The following MTUS2 variants were observed in gnomAD, a reference collection of about 807,000 sequenced individuals.
The protein encoded by MTUS2 is microtubule associated scaffold protein 2.
Under a neutral mutation model 114.1 loss-of-function variants are expected in MTUS2, and 40 were observed. That is an observed-to-expected ratio of 0.35 (90% CI 0.27 to 0.46). MTUS2 has a LOEUF of 0.46. MTUS2 is among the 20% of genes least tolerant of loss of function. The pLI, the probability that MTUS2 is intolerant of heterozygous loss-of-function variation, is 1.00. For synonymous variants in MTUS2, 688 were observed against 672.0 expected, an observed-to-expected ratio of 1.02 and a Z score of -0.37; for missense variants, 1,679 against 1,705.4, an observed-to-expected ratio of 0.98 and a Z score of 0.27.
chr13:29,105,946 G>A (rs1433736323), intron 5 of MTUS2, among the ~76,000 whole-genome samples: 5 of 152,086 alleles, frequency 3.3e-5, no homozygotes, highest in African/African-American at 1.2e-4. Flanking sequence ...CTGAATCTGA[G>A]GAGTTGCCAT....
At chr13:29,047,687 G>T (rs1225768455) in intron 4 of MTUS2, among the ~76,000 whole-genome samples, 1 of 151,884 alleles carries the variant, frequency 6.6e-6, no homozygotes, top group Non-Finnish European at 1.5e-5. Flanking sequence ...CTAATTTTTT[G>T]TGTTTTTAGT....
intron 2 of MTUS2, among the ~76,000 whole-genome samples, chr13:28,904,475 T>C (rs1270917879): frequency 1.3e-5 from 2 of 152,212 alleles, no homozygotes; most frequent in Non-Finnish European, 2.9e-5. Context: ...TACATATGGC[T>C]AGCCAGTTTT....
intron 2 of MTUS2, among the ~76,000 whole-genome samples, chr13:29,014,386 A>G (rs1169133187): frequency 2.6e-5 from 4 of 152,268 alleles, no homozygotes; most frequent in African/African-American, 9.6e-5. Context: ...TAAATAAATT[A>G]GGAAAGCTTA....
At chr13:29,298,927 C>T (rs983568894) in intron 6 of MTUS2, among the ~76,000 whole-genome samples, 1 of 152,140 alleles carries the variant, frequency 6.6e-6, no homozygotes, top group Non-Finnish European at 1.5e-5. Context: ...GCCCTTACTG[C>T]CCTATGCTGA....
intron 2 of MTUS2, among the ~76,000 whole-genome samples, chr13:28,995,046 A>C (rs1178184904): frequency 1.3e-5 from 2 of 152,202 alleles, no homozygotes; most frequent in African/African-American, 4.8e-5. Flanking sequence ...CTAACATGTA[A>C]GTCTTTAATC....
At chr13:29,246,909 AAC>A (rs1275790534) in intron 5 of MTUS2, among the ~76,000 whole-genome samples, 213 of 152,066 alleles carry the variant, frequency 1.4e-3, no homozygotes, top group Non-Finnish European at 2.4e-3. Context: ...AAAAAAAAAA[AAC>A]AATTCAAAAA....
intron 2 of MTUS2, among the ~76,000 whole-genome samples, chr13:28,851,806 C>T (rs561647782): frequency 9.0e-6 from 1 of 110,794 alleles, no homozygotes; most frequent in East Asian, 2.2e-4. Context: ...GGTAGGAGCA[C>T]TTGAGCAGGA....
At chr13:29,452,828 C>G (rs1878820009) in intron 9 of MTUS2, among the ~76,000 whole-genome samples, 1 of 152,072 alleles carries the variant, frequency 6.6e-6, no homozygotes, top group Non-Finnish European at 1.5e-5. Context: ...AAGGGCAACC[C>G]CTAAGTCACC....
At chr13:28,990,134 G>T (rs1739942897) in intron 2 of MTUS2, among the ~76,000 whole-genome samples, 2 of 152,184 alleles carry the variant, frequency 1.3e-5, no homozygotes, top group African/African-American at 2.4e-5. Flanking sequence ...GAATTGCTCT[G>T]TGCCAGGCAC....
At chr13:29,123,150 T>A (rs1891381018) in intron 5 of MTUS2, among the ~76,000 whole-genome samples, 1 of 152,222 alleles carries the variant, frequency 6.6e-6, no homozygotes, top group Non-Finnish European at 1.5e-5. Context: ...TACTTGAAAT[T>A]TTTATTCATT....
chr13:29,399,873 G>A (rs563879353), intron 8 of MTUS2, among the ~76,000 whole-genome samples: 5 of 152,244 alleles, frequency 3.3e-5, no homozygotes, highest in East Asian at 1.9e-4. Flanking sequence ...ATGAATACTC[G>A]GAGTTAAAAA....
intron 2 of MTUS2, among the ~76,000 whole-genome samples, chr13:28,980,227 C>G (rs1381066654): frequency 6.6e-6 from 1 of 152,150 alleles, no homozygotes; most frequent in Non-Finnish European, 1.5e-5. Context: ...CTTGGCAGTT[C>G]TTTTCCCAAG....
rs549022503 is a variant in MTUS2, at chr13:29,377,999, G to C, written c.3117+18526G>C. ...TTGGATGATTCTCAGAACATGCTGAGTGAAAGAAGCTGGTCTCGAAAGGTT... is the reference window on the plus strand; with the variant it reads ...TTGGATGATTCTCAGAACATGCTGACTGAAAGAAGCTGGTCTCGAAAGGTT... On this transcript the variant is annotated intron_variant, in intron 8 of 15. Transcript: ENST00000612955. Among the ~76,000 whole-genome samples the C allele has an allele frequency of 8.5e-5, 13 of 152,338 alleles. No homozygotes were observed. The East Asian group carries it at 2.3e-3, about 27-fold the overall frequency.
chr13:29,453,035 A>C (rs1878840836), intron 9 of MTUS2, among the ~76,000 whole-genome samples: 1 of 152,230 alleles, frequency 6.6e-6, no homozygotes, highest in Non-Finnish European at 1.5e-5. Context: ...CATCATGGCT[A>C]TACAGAATAG....
At chr13:29,441,558 C>T (rs200831336) in intron 9 of MTUS2, among the ~76,000 whole-genome samples, 33 of 70,610 alleles carry the variant, frequency 4.7e-4, no homozygotes, top group Non-Finnish European at 9.1e-4. Flanking sequence ...AATGTGGCCA[C>T]GCCTCATGAT....
intron 5 of MTUS2, among the ~76,000 whole-genome samples, chr13:29,121,464 A>G (rs1891304516): frequency 6.6e-6 from 1 of 151,358 alleles, no homozygotes; most frequent in African/African-American, 2.4e-5. Context: ...CACACATGCA[A>G]GAGATAGAGT....
At chr13:28,905,606 A>G (rs1187993313) in intron 2 of MTUS2, among the ~76,000 whole-genome samples, 1 of 151,570 alleles carries the variant, frequency 6.6e-6, no homozygotes, top group Non-Finnish European at 1.5e-5. Flanking sequence ...GATGAAGCCC[A>G]CTTGATCATG....
chr13:29,492,737 T>G lies in MTUS2; in HGVS notation c.3579+18T>G. The G allele has an allele frequency of 6.3e-7, 1 of 1,589,128 alleles. No individual in the cohort carries two copies. The highest frequency in any genetic ancestry group is 1.1e-5 in the South Asian group (1 of 90,448). On this transcript the variant is annotated intron_variant, in intron 12 of 15. Coordinates refer to ENST00000612955, the MANE Select transcript of MTUS2 (RefSeq NM_001033602.4). The stretch of plus-strand genomic sequence containing the variant: ...CATTGCAGGTTAGTATTTCTTTAAT[T>G]TTCTTACCTGGTATCGAGATAATGG...
At chr13:29,303,321 G>C (rs1052378891) in intron 6 of MTUS2, among the ~76,000 whole-genome samples, 1 of 152,200 alleles carries the variant, frequency 6.6e-6, no homozygotes, top group East Asian at 1.9e-4. Flanking sequence ...ATTGACAGAA[G>C]TAGGCTTCAG....
Sources: gnomAD v4.1 joint callset for allele counts (sites outside exome capture counted in the v4.1 genomes callset) on GRCh38, gnomAD v4.1.1 for gene constraint, MANE v1.5 for transcripts, NCBI Gene and HGNC (gene_info 2026-07-23, HGNC 2026-07-21) for gene names.